Variants in BNC2 observed in about 807,000 individuals in gnomAD.
BNC2 encodes the protein zinc finger protein basonuclin-2.
BNC2 carries 20 observed loss-of-function variants against 76.3 expected under a neutral mutation model. The ratio of observed to expected loss-of-function variants is 0.26; its 90% CI spans 0.18 to 0.38. The LOEUF (loss-of-function observed/expected upper bound fraction) is 0.38. Ranked by LOEUF, BNC2 falls within the 10% of genes least tolerant of loss-of-function variation. The pLI, the probability that BNC2 is intolerant of heterozygous loss-of-function variation, is 1.00. For missense variants in BNC2, 1,382 were observed against 1,399.8 expected, an observed-to-expected ratio of 0.99 and a Z score of 0.20; for synonymous variants, 582 against 514.8, an observed-to-expected ratio of 1.13 and a Z score of -1.77.
chr9:16,523,736 C>A (rs1206158690), intron 5 of BNC2, among the ~76,000 whole-genome samples: 4 of 151,900 alleles, frequency 2.6e-5, no homozygotes, highest in African/African-American at 7.3e-5. Context: ...ACCAGCCTGG[C>A]CAACATGGTG....
chr9:16,667,051 C>T (rs1024853573), intron 3 of BNC2, among the ~76,000 whole-genome samples: 1 of 151,670 alleles, frequency 6.6e-6, no homozygotes, highest in Non-Finnish European at 1.5e-5. Context: ...ATACTAATTT[C>T]AGAAAAGCAC....
intron 3 of BNC2, among the ~76,000 whole-genome samples, chr9:16,665,370 C>CA (rs1195291523): frequency 2.3e-3 from 7 of 3,040 alleles, no homozygotes; most frequent in Non-Finnish European, 3.9e-3. Context: ...ACCTCTGTCT[C>CA]AAAAAAAAAA....
intron 3 of BNC2, chr9:16,727,102 C>A (rs1305695306): frequency 6.5e-6 from 1 of 152,732 alleles, no homozygotes; most frequent in Admixed American, 6.5e-5. Flanking sequence ...CGAGGCTGCG[C>A]CCGAGTGAGT....
chr9:16,700,804 A>G (rs887453098), intron 3 of BNC2, among the ~76,000 whole-genome samples: 5 of 152,166 alleles, frequency 3.3e-5, no homozygotes, highest in Non-Finnish European at 7.3e-5. Flanking sequence ...TGCTAAAAAT[A>G]CAAAAGAAAA....
At position 16,552,715 on chromosome 9, in the gene BNC2, T is replaced by C. The variant is rs760540854; in HGVS notation, c.484A>G (p.Ile162Val). Residue 162 changes from isoleucine (I) to valine (V), a missense_variant, in exon 5 of 7, where the codon ATT becomes GTT. Ile to Val is a conservative substitution (Grantham distance 29). Around this residue, in one of 3 missense-constraint regions of BNC2, gnomAD observed 557 missense variants for 540.9 expected, o/e 1.03. Transcript: ENST00000380672. ...TCAAACACGACGTTGGACTGCACAA[T>C]CTCCACTTGGGTGGGGTGGTACAGG... ...QHLYHPTQVE[I>V]VQSNVVFDIS... 6.2e-7 allele frequency: 1 copy of C among 1,614,128 alleles called. No individual in the cohort carries two copies. The highest frequency in any genetic ancestry group is 1.7e-5 in the Admixed American group (1 of 60,018).
At chr9:16,504,423 A>G (rs1175447571) in intron 5 of BNC2, among the ~76,000 whole-genome samples, 1 of 151,182 alleles carries the variant, frequency 6.6e-6, no homozygotes, top group Admixed American at 6.6e-5. Context: ...ATGATACAAG[A>G]TGCTTCATGA....
intron 5 of BNC2, among the ~76,000 whole-genome samples, chr9:16,462,105 G>A (rs906337782): frequency 6.6e-6 from 1 of 152,114 alleles, no homozygotes; most frequent in East Asian, 1.9e-4. Context: ...CAAGTCTATG[G>A]ATTGCTTTTT....
chr9:16,493,312 C>A (rs757985924), intron 5 of BNC2, among the ~76,000 whole-genome samples: 1 of 152,184 alleles, frequency 6.6e-6, no homozygotes, highest in Non-Finnish European at 1.5e-5. Flanking sequence ...ACATCCAGAT[C>A]TGGCCAACAA....
intron 1 of BNC2, among the ~76,000 whole-genome samples, chr9:16,795,385 T>C (rs1400316445): frequency 1.5e-3 from 31 of 20,238 alleles, no homozygotes; most frequent in African/African-American, 2.0e-3. Flanking sequence ...AATTCTGGCT[T>C]TTTTTTTTTT....
chr9:16,424,881 CATTT>C (rs1337262687), intron 6 of BNC2, among the ~76,000 whole-genome samples: 1 of 152,176 alleles, frequency 6.6e-6, no homozygotes, highest in Non-Finnish European at 1.5e-5. Flanking sequence ...TTTGTATTAT[CATTT>C]ATTAACGATA....
chr9:16,548,580 A>G (rs1036539505), intron 5 of BNC2, among the ~76,000 whole-genome samples: 10 of 151,842 alleles, frequency 6.6e-5, no homozygotes, highest in African/African-American at 2.2e-4. Context: ...TAATTTTTGT[A>G]TTTTAGTAGA....
intron 4 of BNC2, among the ~76,000 whole-genome samples, chr9:16,562,472 T>C (rs1819044006): frequency 6.6e-6 from 1 of 152,220 alleles, no homozygotes; most frequent in Non-Finnish European, 1.5e-5. Context: ...GTTACCTAAT[T>C]TCTTTCAGAA....
intron 1 of BNC2, among the ~76,000 whole-genome samples, chr9:16,772,777 A>C (rs10962582): frequency 0.53 from 80,273 of 152,082 alleles, 24,094 homozygotes; most frequent in Non-Finnish European, 0.69. Flanking sequence ...TAGTGCACAT[A>C]AACAGGGAAG....
At chr9:16,722,094 G>A (rs1824174430) in intron 3 of BNC2, among the ~76,000 whole-genome samples, 1 of 152,124 alleles carries the variant, frequency 6.6e-6, no homozygotes, top group Non-Finnish European at 1.5e-5. Flanking sequence ...GAGAGAGGGA[G>A]GCACCAGAAT....
At chr9:16,792,322 T>A (rs1817533716) in intron 1 of BNC2, among the ~76,000 whole-genome samples, 1 of 152,226 alleles carries the variant, frequency 6.6e-6, no homozygotes, top group Non-Finnish European at 1.5e-5. Context: ...AAGTCAGGAT[T>A]TGAACTCAGG....
chr9:16,616,595 A>G (rs1587239185), intron 3 of BNC2, among the ~76,000 whole-genome samples: 1 of 151,538 alleles, frequency 6.6e-6, no homozygotes, highest in South Asian at 2.1e-4. Flanking sequence ...CTGAGGCAGG[A>G]GAATCTCTAC....
chr9:16,590,643 T>C (rs899077521), intron 3 of BNC2, among the ~76,000 whole-genome samples: 2 of 151,932 alleles, frequency 1.3e-5, no homozygotes, highest in Non-Finnish European at 2.9e-5. Context: ...CTCGTCTCTA[T>C]AAAAATATGA....
intron 1 of BNC2, among the ~76,000 whole-genome samples, chr9:16,819,086 G>A (rs1467538342): frequency 6.6e-6 from 1 of 152,130 alleles, no homozygotes; most frequent in African/African-American, 2.4e-5. Flanking sequence ...TGACAAAACT[G>A]AGTCATGAAT....
intron 5 of BNC2, among the ~76,000 whole-genome samples, chr9:16,458,846 T>C (rs946486140): frequency 6.6e-6 from 1 of 152,188 alleles, no homozygotes; most frequent in African/African-American, 2.4e-5. Flanking sequence ...CATCACTCAG[T>C]GCACACATGA....
Sources: allele counts gnomAD v4.1 joint callset (sites outside exome capture counted in the v4.1 genomes callset), GRCh38; gene constraint gnomAD v4.1.1; regional missense constraint gnomAD v4.1.1; transcripts MANE v1.5; gene names NCBI Gene and HGNC (gene_info 2026-07-23, HGNC 2026-07-21).